Variants in ARHGAP32 observed in about 807,000 individuals in gnomAD.
ARHGAP32 encodes the protein rho GTPase-activating protein 32.
In ARHGAP32, 51 loss-of-function variants were observed where a neutral mutation model predicts 186.5. The ratio of observed to expected loss-of-function variants is 0.27; its 90% CI spans 0.22 to 0.35. The LOEUF (loss-of-function observed/expected upper bound fraction) is 0.35, where lower values mean the gene tolerates loss of function less well. Among genes scored for constraint, ARHGAP32 ranks in the 10% least tolerant of loss-of-function variants. The probability of loss-of-function intolerance (pLI) is 1.00; values close to 1 mark genes in which losing one functional copy is unlikely to be tolerated. For synonymous variants in ARHGAP32, 950 were observed against 964.3 expected, an observed-to-expected ratio of 0.99 and a Z score of 0.27; for missense variants, 2,186 against 2,623.5, an observed-to-expected ratio of 0.83 and a Z score of 3.64.
intron 1 of ARHGAP32, among the ~76,000 whole-genome samples, chr11:129,197,684 G>A (rs1317587207): frequency 2.0e-5 from 3 of 152,012 alleles, no homozygotes; most frequent in Non-Finnish European, 4.4e-5. Flanking sequence ...AATGACTGAA[G>A]ATTTTCCTCC....
intron 2 of ARHGAP32, 92 bp from the exon 3 acceptor site, chr11:129,124,986 G>A: frequency 3.7e-6 from 3 of 818,498 alleles, no homozygotes; most frequent in South Asian, 4.3e-5. Context: ...TAGTTCTGCT[G>A]ACTTTTTACC....
intron 2 of ARHGAP32, among the ~76,000 whole-genome samples, chr11:129,127,997 A>G (rs1942703110): frequency 6.6e-6 from 1 of 152,222 alleles, no homozygotes; most frequent in Admixed American, 6.5e-5. Flanking sequence ...AGACAAAAAC[A>G]TTAAGGAAAT....
At chr11:129,240,543 T>G (rs1228235470) in intron 1 of ARHGAP32, among the ~76,000 whole-genome samples, 6 of 152,216 alleles carry the variant, frequency 3.9e-5, no homozygotes, top group Non-Finnish European at 8.8e-5. Flanking sequence ...GATATTTATA[T>G]TGCCTTGTGG....
At chr11:129,179,768 G>A (rs1243975367) in intron 1 of ARHGAP32, among the ~76,000 whole-genome samples, 2 of 151,618 alleles carry the variant, frequency 1.3e-5, no homozygotes, top group Non-Finnish European at 2.9e-5. Flanking sequence ...CATAGGAAGG[G>A]GAACATCACA....
intron 1 of ARHGAP32, among the ~76,000 whole-genome samples, chr11:129,278,848 G>A (rs1037114660): frequency 1.5e-4 from 23 of 150,844 alleles, no homozygotes; most frequent in African/African-American, 5.6e-4. Context: ...TTGGGCCCGG[G>A]GCGGAGAGCG....
At chr11:129,251,973 T>C (rs1300116392) in intron 1 of ARHGAP32, among the ~76,000 whole-genome samples, 1 of 150,772 alleles carries the variant, frequency 6.6e-6, no homozygotes, top group South Asian at 2.1e-4. Flanking sequence ...AATAAGCCAG[T>C]ATGATTATGT....
chr11:129,173,272 T>C (rs190044299), intron 1 of ARHGAP32, among the ~76,000 whole-genome samples: 2 of 147,586 alleles, frequency 1.4e-5, no homozygotes, highest in Non-Finnish European at 3.0e-5. Flanking sequence ...AGAAGCTGAA[T>C]CCCTGAATAG....
At chr11:129,161,344 GA>G (rs1376282476) in intron 2 of ARHGAP32, among the ~76,000 whole-genome samples, 1 of 151,874 alleles carries the variant, frequency 6.6e-6, no homozygotes, top group Non-Finnish European at 1.5e-5. Context: ...CACAGCAAAA[GA>G]AACTATCATC....
At chr11:129,014,195 C>T (rs928157576) in intron 11 of ARHGAP32, among the ~76,000 whole-genome samples, 1 of 152,022 alleles carries the variant, frequency 6.6e-6, no homozygotes, top group African/African-American at 2.4e-5. Flanking sequence ...AAAGACAAAC[C>T]CTACCAGGCC....
intron 2 of ARHGAP32, among the ~76,000 whole-genome samples, chr11:129,146,673 T>A (rs150383928): frequency 7.2e-4 from 110 of 152,162 alleles, no homozygotes; most frequent in African/African-American, 2.5e-3. Flanking sequence ...TACAAAAGGA[T>A]AGAGCCCCAT....
chr11:129,024,032 C>A, intron 11 of ARHGAP32: 4 of 985,512 alleles, frequency 4.1e-6, no homozygotes, highest in Non-Finnish European at 4.8e-6. Flanking sequence ...CAAGTTAGGT[C>A]CCACATCACT....
At chr11:129,060,564 TA>T (rs1173874300) in intron 10 of ARHGAP32, among the ~76,000 whole-genome samples, 1 of 152,184 alleles carries the variant, frequency 6.6e-6, no homozygotes, top group East Asian at 1.9e-4. Flanking sequence ...TGTAGTCTTC[TA>T]TTTAGTTTTA....
At chr11:129,057,283 C>T (rs10893962) in intron 10 of ARHGAP32, among the ~76,000 whole-genome samples, 41,209 of 151,880 alleles carry the variant, frequency 0.27, 6,098 homozygotes, top group Middle Eastern at 0.41. Flanking sequence ...CAGAGAGACC[C>T]CAAGGAGAGT....
At chr11:129,167,060 G>A (rs563355601) in intron 1 of ARHGAP32, among the ~76,000 whole-genome samples, 4 of 152,044 alleles carry the variant, frequency 2.6e-5, no homozygotes, top group Non-Finnish European at 4.4e-5. Context: ...CTAAAAAGCT[G>A]ATAGAGGAAA....
chr11:128,980,364 C>G (rs984525276), intron 18 of ARHGAP32, 189 bp downstream of exon 18: 1 of 447,950 alleles, frequency 2.2e-6, no homozygotes. Flanking sequence ...CATTGTAAAG[C>G]AAGAATCATT....
At chr11:129,203,529 T>C (rs191785899) in intron 1 of ARHGAP32, among the ~76,000 whole-genome samples, 9 of 151,910 alleles carry the variant, frequency 5.9e-5, no homozygotes, top group Admixed American at 3.3e-4. Flanking sequence ...GGTAAAAGTA[T>C]AGTGTTGAAA....
intron 10 of ARHGAP32, among the ~76,000 whole-genome samples, chr11:129,051,674 T>C (rs1565396943): frequency 7.1e-6 from 1 of 140,418 alleles, no homozygotes; most frequent in Non-Finnish European, 1.5e-5. Context: ...TTAGGTATAT[T>C]GGCTGGGCGT....
chr11:129,029,827 C>T lies in ARHGAP32; in HGVS notation c.1045+11101G>A, dbSNP rs951027356. 3.3e-4 allele frequency among the ~76,000 whole-genome samples: 17 copies of T among 51,842 alleles called. 1 individual carries two copies. Among genetic ancestry groups the T allele is most frequent in the Admixed American group, 5.9e-4 (3 of 5,070 alleles). 34.0% of individuals were successfully genotyped at this position (51,842 alleles called of 152,430 possible). On this transcript the variant is annotated intron_variant, in intron 11 of 22. Coordinates refer to ENST00000682385, the MANE Select transcript of ARHGAP32 (RefSeq NM_001378024.1). ...AAAAAAAAAAAAAAAAAAAAAAAAACGGGTAGGAAGGGGAGGGGATGGAAA... is the reference window on the plus strand; with the variant it reads ...AAAAAAAAAAAAAAAAAAAAAAAAATGGGTAGGAAGGGGAGGGGATGGAAA...
chr11:129,045,528 T>C (rs966541939), intron 10 of ARHGAP32, among the ~76,000 whole-genome samples: 2 of 152,210 alleles, frequency 1.3e-5, no homozygotes, highest in Non-Finnish European at 2.9e-5. Flanking sequence ...CTTGAAAATA[T>C]TACACACGAG....
Sources: gnomAD v4.1 joint callset for allele counts (sites outside exome capture counted in the v4.1 genomes callset) on GRCh38, gnomAD v4.1.1 for gene constraint, MANE v1.5 for transcripts, NCBI Gene and HGNC (gene_info 2026-07-23, HGNC 2026-07-21) for gene names.